The following C2CD3 variants were observed in gnomAD, a reference collection of about 807,000 sequenced individuals.
C2CD3 encodes C2 domain containing 3 centriole elongation regulator.
C2CD3 carries 148 observed loss-of-function variants against 234.0 expected under a neutral mutation model. That is an observed-to-expected ratio of 0.63 (90% CI 0.55 to 0.72). The LOEUF (loss-of-function observed/expected upper bound fraction) is 0.72. Ranked by LOEUF, C2CD3 falls within the 30% of genes least tolerant of loss-of-function variation. C2CD3 has a pLI of 0.00. For synonymous variants in C2CD3, 1,000 were observed against 1,035.4 expected (o/e 0.97, Z 0.66); for missense variants, 2,577 against 2,811.5 (o/e 0.92, Z 1.89).
chr11:74,091,238 T>C (rs1014251711), intron 19 of C2CD3: 3 of 244,898 alleles, frequency 1.2e-5, no homozygotes, highest in Non-Finnish European at 2.4e-5. Flanking sequence ...CCAATTATGT[T>C]TATAGAATTG....
At chr11:74,062,021 CAAAG>C (rs1954274689) in intron 24 of C2CD3, among the ~76,000 whole-genome samples, 1 of 151,964 alleles carries the variant, frequency 6.6e-6, no homozygotes, top group East Asian at 1.9e-4. Flanking sequence ...TCAAAAGAGA[CAAAG>C]AAGGCCATTA....
At chr11:74,112,134 T>A (rs1013542380) in intron 11 of C2CD3, among the ~76,000 whole-genome samples, 2 of 152,294 alleles carry the variant, frequency 1.3e-5, no homozygotes, top group African/African-American at 4.8e-5. Context: ...AGTAAAAATT[T>A]AAAAATCCCG....
intron 23 of C2CD3, among the ~76,000 whole-genome samples, chr11:74,075,678 C>A (rs1224716851): frequency 6.6e-6 from 1 of 152,116 alleles, no homozygotes; most frequent in African/African-American, 2.4e-5. Context: ...AATATGAAAC[C>A]TTTCCTGTTT....
intron 26 of C2CD3, among the ~76,000 whole-genome samples, chr11:74,049,997 C>T (rs548149689): frequency 1.3e-5 from 2 of 151,164 alleles, no homozygotes; most frequent in Non-Finnish European, 1.5e-5. Flanking sequence ...CCTAGGTGGT[C>T]TTGAACCCCC....
intron 21 of C2CD3, 152 bp downstream of exon 21, chr11:74,085,466 T>C: frequency 4.2e-6 from 3 of 714,902 alleles, no homozygotes; most frequent in African/African-American, 1.8e-5. Flanking sequence ...TTAGTACATA[T>C]CCTTATTTTT....
rs1005742358 is a variant in C2CD3, at chr11:74,022,343, G to A, written c.6921+5944C>T. 4.6e-5 allele frequency among the ~76,000 whole-genome samples: 7 copies of A among 152,150 alleles called. No individual in the cohort carries two copies. In the South Asian group the frequency reaches 8.3e-4, roughly 18 times the overall value. On this transcript the variant is annotated intron_variant, in intron 32 of 32. Transcript: ENST00000334126. ...TGGCTGAATTTCCTGAGATATGGAT[G>A]CAGGTGGCAGAGGAAGTATGCAAAG...
intron 1 of C2CD3, among the ~76,000 whole-genome samples, 163 bp downstream of exon 1, chr11:74,170,575 C>T (rs1049995112): frequency 1.3e-5 from 2 of 152,084 alleles, no homozygotes; most frequent in African/African-American, 4.8e-5. Context: ...CCTTTCTATT[C>T]TCTGGAGGGC....
chr11:74,044,254 G>A (rs761058102), intron 28 of C2CD3, among the ~76,000 whole-genome samples: 51 of 152,168 alleles, frequency 3.4e-4, no homozygotes, highest in African/African-American at 1.2e-3. Flanking sequence ...TCAAGAGATC[G>A]AGACCATAGT....
At chr11:74,053,593 T>G (rs758458110) in intron 26 of C2CD3, among the ~76,000 whole-genome samples, 1 of 152,148 alleles carries the variant, frequency 6.6e-6, no homozygotes, top group African/African-American at 2.4e-5. Flanking sequence ...AGAAAAAATA[T>G]GTGGTTAGAC....
intron 32 of C2CD3, among the ~76,000 whole-genome samples, chr11:74,021,193 G>A (rs1429450504): frequency 1.3e-5 from 2 of 152,062 alleles, no homozygotes. Flanking sequence ...GCAGTGAGCC[G>A]AGATCATGCC....
chr11:74,095,062 C>T (rs893107427), intron 17 of C2CD3, among the ~76,000 whole-genome samples, 166 bp downstream of exon 17: 6 of 150,668 alleles, frequency 4.0e-5, no homozygotes, highest in African/African-American at 1.2e-4. Context: ...TAAAAAGCTA[C>T]AAAAATAGTT....
At chr11:74,018,899 C>A (rs1951974907) in intron 32 of C2CD3, among the ~76,000 whole-genome samples, 1 of 152,140 alleles carries the variant, frequency 6.6e-6, no homozygotes, top group South Asian at 2.1e-4. Flanking sequence ...TACCGATATG[C>A]TCCCTCCGTG....
intron 22 of C2CD3, among the ~76,000 whole-genome samples, chr11:74,079,656 T>C (rs1196924023): frequency 6.6e-6 from 1 of 151,772 alleles, no homozygotes; most frequent in African/African-American, 2.4e-5. Context: ...TAATCCTTAC[T>C]TTACAGATGA....
At chr11:74,034,502 T>C (rs1565212761) in intron 30 of C2CD3, 1 of 1,597,214 alleles carries the variant, frequency 6.3e-7, no homozygotes, top group East Asian at 2.3e-5. Flanking sequence ...TAGTTGTGGA[T>C]ACATCTGTGG....
intron 16 of C2CD3, among the ~76,000 whole-genome samples, chr11:74,097,254 T>C (rs746583854): frequency 2.0e-5 from 3 of 152,204 alleles, no homozygotes; most frequent in Non-Finnish European, 2.9e-5. Context: ...GTTCTTTCCC[T>C]GCTAGAGACA....
intron 28 of C2CD3, among the ~76,000 whole-genome samples, chr11:74,044,678 A>C (rs1180860094): frequency 6.6e-6 from 1 of 152,138 alleles, no homozygotes; most frequent in Admixed American, 6.5e-5. Context: ...ATTACCTAAC[A>C]GTCAGTTTTT....
chr11:74,051,678 T>C (rs1591339888), intron 26 of C2CD3, among the ~76,000 whole-genome samples: 1 of 152,206 alleles, frequency 6.6e-6, no homozygotes, highest in East Asian at 1.9e-4. Context: ...TCAGTTCAGG[T>C]GTGCTCCAGG....
Position 74,123,049 on chromosome 11 carries a change from C to T in C2CD3, c.1304G>A (p.Ser435Asn), listed in dbSNP as rs1252459920. 3 of 1,612,484 alleles carry T rather than the reference C, an allele frequency of 1.9e-6. No homozygotes were observed. The highest frequency in any genetic ancestry group is 2.5e-6 in the Non-Finnish European group (3 of 1,178,484). ...PSPGSDVYCI[S>N]ELNDPQYDQS... ...GTCATACTGAGGGTCATTCAGCTCA[C>T]TGATGCAATACACATCACTCCCAGG... The change falls in exon 8 of 33, where the codon AGT becomes AAT. Residue 435 changes from serine to asparagine, a missense_variant. Ser to Asn is a conservative substitution (Grantham distance 46). Coordinates refer to ENST00000334126, the MANE Select transcript of C2CD3 (RefSeq NM_001286577.2).
rs61901249 is a variant in C2CD3, at chr11:74,146,747, C to T, written c.484-6919G>A. On this transcript the variant is annotated intron_variant, in intron 3 of 32. Coordinates refer to ENST00000334126, the MANE Select transcript of C2CD3 (RefSeq NM_001286577.2). ...ACACACACACACACACACACACACA[C>T]AATTAACATATGAATTAAATTCCTG... is the stretch of plus-strand genomic sequence containing the variant. Among the ~76,000 whole-genome samples the T allele has an allele frequency of 8.6e-3, 1,243 of 143,874 alleles. 16 individuals are homozygous for T. Among genetic ancestry groups the T allele is most frequent in the African/African-American group, 0.024 (945 of 39,486 alleles). The allele number at this position is 143,874 out of a possible 152,430, so 94.4% of individuals were successfully genotyped here.
Sources: allele counts gnomAD v4.1 joint callset (sites outside exome capture counted in the v4.1 genomes callset), GRCh38; gene constraint gnomAD v4.1.1; transcripts MANE v1.5; gene names NCBI Gene and HGNC (gene_info 2026-07-23, HGNC 2026-07-21).